Variants in LAD1 observed in about 807,000 individuals in gnomAD.
The protein encoded by LAD1 is ladinin-1.
In LAD1, 53 loss-of-function variants were observed where a neutral mutation model predicts 54.2. That is an observed-to-expected ratio of 0.98 (90% confidence interval 0.78 to 1.23). The LOEUF is 1.23. LAD1 is among the 50% of genes most tolerant of loss of function. LAD1 has a pLI of 0.00. For synonymous variants in LAD1, 231 were observed against 257.7 expected (o/e 0.90, Z 0.99); for missense variants, 637 against 653.3 (o/e 0.98, Z 0.27).
In LAD1 at chr1:201,386,455, TG is replaced by T. The variant is rs1662088348; in HGVS notation, c.905del (p.Pro302GlnfsTer42). 6.5e-7 allele frequency: 1 copy of T among 1,545,678 alleles called. No homozygotes were observed. The highest frequency in any genetic ancestry group is 8.7e-7 in the Non-Finnish European group (1 of 1,152,676). On this transcript the variant is annotated frameshift_variant, in exon 3 of 10. Transcript: ENST00000391967. LOFTEE classifies it high-confidence loss of function. The stretch of plus-strand genomic sequence containing the variant: ...TTCCTCTCTGCTCCTTGGTGGTGGC[TG>T]GGCTTCCCCCAGAGGCTGGCGGCTC... ...AQEPPASGGS[P>X]ATTKEQRGRA... is the part of the protein sequence containing the mutation.
intron 1 of LAD1, among the ~76,000 whole-genome samples, chr1:201,398,996 G>C (rs28364651): frequency 5.9e-5 from 9 of 152,286 alleles, no homozygotes; most frequent in East Asian, 5.8e-4. Flanking sequence ...CCTTCCACAG[G>C]GGGGGCCATA....
rs79262277 is a variant in LAD1, at chr1:201,384,365, C to T, written c.1175+427G>A. Among the ~76,000 whole-genome samples the T allele has an allele frequency of 2.6e-5, 4 of 152,170 alleles. No individual in the cohort carries two copies. The East Asian group carries it at 7.7e-4, about 29-fold the overall frequency. On this transcript the variant is annotated intron_variant, in intron 5 of 9. Coordinates refer to ENST00000391967, the MANE Select transcript of LAD1 (RefSeq NM_005558.4). Reference sequence around the variant, plus strand: ...TTTTTTTCAAAGCATAGTCCTCAGGCTTCTTGCATCAACACCAGCGAGCCC... The same window carrying T: ...TTTTTTTCAAAGCATAGTCCTCAGGTTTCTTGCATCAACACCAGCGAGCCC...
intron 5 of LAD1, among the ~76,000 whole-genome samples, chr1:201,384,465 C>T (rs1174020171): frequency 6.6e-6 from 1 of 152,180 alleles, no homozygotes; most frequent in Non-Finnish European, 1.5e-5. Flanking sequence ...CCCTCCCTTA[C>T]ACTGTTCGTG....
At chr1:201,398,008 C>T (rs900608713) in intron 1 of LAD1, among the ~76,000 whole-genome samples, 6 of 152,188 alleles carry the variant, frequency 3.9e-5, no homozygotes, top group Non-Finnish European at 5.9e-5. Flanking sequence ...TGAGTTCCCT[C>T]CATTCGTGGG....
At chr1:201,396,066 T>C (rs1662283041) in intron 1 of LAD1, among the ~76,000 whole-genome samples, 1 of 152,106 alleles carries the variant, frequency 6.6e-6, no homozygotes. Context: ...GGGCAGAGGT[T>C]TGGGGAAACC....
At chr1:201,384,427 C>G (rs989946387) in intron 5 of LAD1, among the ~76,000 whole-genome samples, 1 of 152,188 alleles carries the variant, frequency 6.6e-6, no homozygotes, top group African/African-American at 2.4e-5. Flanking sequence ...CACAGCCCCC[C>G]AACCAGGCCT....
rs532832976 is a variant in LAD1 at position 201,396,997 on chromosome 1, C to T, written c.38+2272G>A. On this transcript the variant is annotated intron_variant, in intron 1 of 9. Transcript: ENST00000391967. The stretch of plus-strand genomic sequence containing the variant: ...AGCCTCACTGGTCACCAGGCCAGTC[C>T]GGGGAGAAAAGGACAAGGCCTCTGA... Among the ~76,000 whole-genome samples, 321 of 152,298 alleles carry T rather than the reference C, an allele frequency of 2.1e-3. 4 individuals carry two copies. The highest frequency in any genetic ancestry group is 5.9e-4 in the Non-Finnish European group (40 of 68,032).
chr1:201,382,121 G>A, intron 9 of LAD1, 131 bp downstream of exon 9: 1 of 884,890 alleles, frequency 1.1e-6, no homozygotes, highest in Non-Finnish European at 1.8e-6. Context: ...ATCTGCATGA[G>A]CAGGGATGGG....
chr1:201,390,182 G>A (rs1662174300), intron 1 of LAD1, among the ~76,000 whole-genome samples: 1 of 151,422 alleles, frequency 6.6e-6, no homozygotes. Flanking sequence ...GCCTCCCAAA[G>A]TGCTGGGATT....
At chr1:201,392,198 G>A (rs552134507) in intron 1 of LAD1, among the ~76,000 whole-genome samples, 4 of 152,306 alleles carry the variant, frequency 2.6e-5, no homozygotes, top group Admixed American at 6.5e-5. Flanking sequence ...CACATGAACC[G>A]CTCCGATTTT....
At chr1:201,383,493 G>C (rs1662011242) in intron 5 of LAD1, 104 bp from the exon 6 acceptor site, 3 of 1,097,440 alleles carry the variant, frequency 2.7e-6, no homozygotes, top group Non-Finnish European at 4.2e-6. Context: ...TCTCATTGTG[G>C]CCAAGAGAAT....
In LAD1 at chr1:201,387,187, G is replaced by A. The variant is rs768544493; in HGVS notation, c.183-9C>T. On this transcript the variant is annotated splice_polypyrimidine_tract_variant and intron_variant, in intron 2 of 9. Coordinates refer to ENST00000391967, the MANE Select transcript of LAD1 (RefSeq NM_005558.4). ...CTTCCACGCTCGGTAGTCTGAATCA[G>A]AAGATGGGAGACAGAATCAGAGGAT... 2.7e-6 allele frequency: 4 copies of A among 1,496,434 alleles called. No homozygotes were observed. Among genetic ancestry groups the A allele is most frequent in the Non-Finnish European group, 1.8e-6 (2 of 1,125,240 alleles). 92.7% of individuals were successfully genotyped at this position (1,496,434 alleles called of 1,614,324 possible). A position where few individuals can be genotyped will look rare whatever the true frequency, so the allele number is the denominator to read the frequency against.
chr1:201,382,599 GTCA>G, intron 8 of LAD1, 51 bp downstream of exon 8: 1 of 1,423,040 alleles, frequency 7.0e-7, no homozygotes, highest in South Asian at 1.2e-5. Flanking sequence ...TCTGTCCCCA[GTCA>G]TCCCACCACA....
Position 201,386,968 on chromosome 1 carries a change from G to C in LAD1, c.393C>G (p.Pro131=). The part of the protein sequence containing the change: ...SLSPVQATQK[P]LVSKKELEIP... ...TTTCCAGTTCCTTCTTGGAGACTAG[G>C]GGTTTCTGTGTGGCCTGCACAGGGC... is the stretch of plus-strand genomic sequence containing the variant. Residue 131 remains proline (P), a synonymous_variant, in exon 3 of 10, where the codon CCC becomes CCG. Transcript: ENST00000391967. 1 of 1,609,984 alleles carries C rather than the reference G, an allele frequency of 6.2e-7. No individual in the cohort carries two copies. Among genetic ancestry groups the C allele is most frequent in the Non-Finnish European group, 8.5e-7 (1 of 1,178,670 alleles).
chr1:201,387,267 A>C, intron 2 of LAD1, 89 bp from the exon 3 acceptor site: 1 of 1,352,644 alleles, frequency 7.4e-7, no homozygotes, highest in Non-Finnish European at 9.5e-7. Flanking sequence ...TGCCAGGGCC[A>C]CCAAGGAGGA....
rs1661974618 is a variant in LAD1, at chr1:201,382,183, G to GA, written c.1548+68_1548+69insT. On this transcript the variant is annotated intron_variant, in intron 9 of 9. Transcript: ENST00000391967. ...CAGGCCAATTAGTGTGTGCACACGG[G>GA]GACGATGGGGTCTCCCACAGTACAC... The GA allele has an allele frequency of 2.3e-6, 3 of 1,304,936 alleles. No individual in the cohort carries two copies. In the South Asian group the frequency reaches 3.5e-5, roughly 15 times the overall value. 80.8% of individuals were successfully genotyped at this position (1,304,936 alleles called of 1,614,324 possible).
chr1:201,387,446 AATAAC>A (rs1015826801), intron 2 of LAD1, among the ~76,000 whole-genome samples: 2 of 152,246 alleles, frequency 1.3e-5, no homozygotes, highest in African/African-American at 4.8e-5. Context: ...ACAGACTCTG[AATAAC>A]TGCTTTAATA....
chr1:201,381,724 G>C lies in LAD1; in HGVS notation c.*164C>G. On this transcript the variant is annotated 3_prime_UTR_variant, in exon 10 of 10. Coordinates refer to ENST00000391967, the MANE Select transcript of LAD1 (RefSeq NM_005558.4). ...GCTGGGCTGGGAAGGAGCTGGCTGA[G>C]TCTTGCAAATATTCCTGACCCCAGG... 1.3e-6 allele frequency: 1 copy of C among 777,616 alleles called. No individual in the cohort carries two copies. The highest frequency in any genetic ancestry group is 2.3e-6 in the Non-Finnish European group (1 of 440,360). 48.2% of individuals were successfully genotyped at this position (777,616 alleles called of 1,614,324 possible).
intron 1 of LAD1, among the ~76,000 whole-genome samples, chr1:201,393,288 G>A (rs188455739): frequency 4.7e-4 from 72 of 152,286 alleles, no homozygotes; most frequent in East Asian, 4.1e-3. Context: ...ATGCTGCTGC[G>A]AGGGGAATGA....
Sources: allele counts gnomAD v4.1 joint callset (sites outside exome capture counted in the v4.1 genomes callset), GRCh38; gene constraint gnomAD v4.1.1; transcripts MANE v1.5; gene names NCBI Gene and HGNC (gene_info 2026-07-23, HGNC 2026-07-21).